Variants in PKP4 observed in about 807,000 individuals in gnomAD.
PKP4 encodes the protein plakophilin-4.
A neutral mutation model predicts 145.1 loss-of-function variants in PKP4; 90 were observed. The observed-to-expected ratio is 0.62, with a 90% CI of 0.52 to 0.74. The LOEUF (loss-of-function observed/expected upper bound fraction) is 0.74, where lower values mean the gene tolerates loss of function less well. PKP4 is among the 30% of genes least tolerant of loss of function. PKP4 has a pLI of 0.00. For missense variants in PKP4, 1,340 were observed against 1,482.7 expected (o/e 0.90, Z 1.58); for synonymous variants, 563 against 577.2 (o/e 0.98, Z 0.35).
intron 11 of PKP4, among the ~76,000 whole-genome samples, chr2:158,655,501 A>C (rs1304682418): frequency 6.6e-6 from 1 of 152,162 alleles, no homozygotes. Flanking sequence ...CTTCTTAGTC[A>C]TGTTTTCACC....
chr2:158,520,903 T>C (rs1445710015), intron 1 of PKP4, among the ~76,000 whole-genome samples: 2 of 152,258 alleles, frequency 1.3e-5, no homozygotes, highest in African/African-American at 2.4e-5. Context: ...ATCCTTGTTT[T>C]ATAGAGCTTT....
intron 1 of PKP4, among the ~76,000 whole-genome samples, chr2:158,475,093 T>C (rs1692243013): frequency 6.6e-6 from 1 of 152,158 alleles, no homozygotes; most frequent in Admixed American, 6.5e-5. Flanking sequence ...AATCATGAAT[T>C]AGCGATTGTG....
chr2:158,553,829 T>C (rs779122883), intron 2 of PKP4, among the ~76,000 whole-genome samples: 5 of 152,166 alleles, frequency 3.3e-5, no homozygotes, highest in Non-Finnish European at 5.9e-5. Flanking sequence ...AGAATTTTGC[T>C]CCAGGATGTA....
chr2:158,521,880 G>T (rs2042407742), intron 1 of PKP4, among the ~76,000 whole-genome samples: 1 of 152,042 alleles, frequency 6.6e-6, no homozygotes, highest in Non-Finnish European at 1.5e-5. Flanking sequence ...TTCATCTAAT[G>T]CTTATTTTCT....
rs1226033349 is a variant in PKP4, at chr2:158,577,394, A to G, written c.245+11A>G. On this transcript the variant is annotated intron_variant, in intron 3 of 21. Transcript: ENST00000389759. Reference sequence around the variant, plus strand: ...CATCGCCAGCACCAGGTACAGGGCCAATGGCTCCATCTTTATGCACACTCA... The same window carrying G: ...CATCGCCAGCACCAGGTACAGGGCCGATGGCTCCATCTTTATGCACACTCA... 6 of 1,544,884 alleles carry G rather than the reference A, an allele frequency of 3.9e-6. No individual in the cohort carries two copies. The highest frequency in any genetic ancestry group is 4.5e-5 in the East Asian group (2 of 44,394).
At position 158,516,345 on chromosome 2, in the gene PKP4, T is replaced by A. The variant is rs566666489; in HGVS notation, c.-5-16835T>A. 3.3e-5 allele frequency among the ~76,000 whole-genome samples: 5 copies of A among 152,314 alleles called. No homozygotes were observed. In the South Asian group the frequency reaches 8.3e-4, roughly 25 times the overall value. On this transcript the variant is annotated intron_variant, in intron 1 of 21. Coordinates refer to ENST00000389759, the MANE Select transcript of PKP4 (RefSeq NM_003628.6). ...AGTAACAAGATTCTTAGGGATTTTT[T>A]AAGAGGAACCATGTTCTGCCACATT... is the stretch of plus-strand genomic sequence containing the variant.
chr2:158,459,440 T>C (rs1197208794), intron 1 of PKP4, among the ~76,000 whole-genome samples: 1 of 123,624 alleles, frequency 8.1e-6, no homozygotes, highest in African/African-American at 3.1e-5. Context: ...AACTATTAAA[T>C]AGGAGCCTTT....
intron 2 of PKP4, among the ~76,000 whole-genome samples, chr2:158,561,836 C>T (rs1217036471): frequency 6.7e-6 from 1 of 150,034 alleles, no homozygotes. Flanking sequence ...ATGTGCACAA[C>T]ATGCTGGTTT....
At chr2:158,517,828 A>G (rs1034738540) in intron 1 of PKP4, among the ~76,000 whole-genome samples, 2 of 151,868 alleles carry the variant, frequency 1.3e-5, no homozygotes, top group African/African-American at 4.8e-5. Context: ...TGAGCTGAGG[A>G]TTGCCTGAGC....
intron 1 of PKP4, among the ~76,000 whole-genome samples, chr2:158,503,968 T>G (rs1318294228): frequency 5.6e-5 from 1 of 17,880 alleles, no homozygotes; most frequent in African/African-American, 2.6e-4. Context: ...ATTCTGGCTT[T>G]TTTTTTTTTT....
intron 2 of PKP4, among the ~76,000 whole-genome samples, chr2:158,552,480 C>G (rs1314433717): frequency 6.6e-6 from 1 of 152,124 alleles, no homozygotes; most frequent in Non-Finnish European, 1.5e-5. Flanking sequence ...TGGGTAGAGT[C>G]TGGAATAATT....
At chr2:158,595,928 C>A (rs1057370404) in intron 3 of PKP4, among the ~76,000 whole-genome samples, 3 of 151,980 alleles carry the variant, frequency 2.0e-5, no homozygotes, top group Non-Finnish European at 2.9e-5. Context: ...TGGAATAATT[C>A]TTTAAAAAGC....
intron 1 of PKP4, among the ~76,000 whole-genome samples, chr2:158,484,420 A>T (rs552852475): frequency 3.7e-4 from 56 of 152,308 alleles, no homozygotes; most frequent in African/African-American, 1.2e-3. Flanking sequence ...GAACTGAAGC[A>T]TTGAGGCTCT....
At chr2:158,647,908 GA>G in intron 11 of PKP4, among the ~76,000 whole-genome samples, 1 of 152,150 alleles carries the variant, frequency 6.6e-6, no homozygotes. Context: ...CACTAAAAAA[GA>G]TATGTTGAAC....
chr2:158,484,032 C>CTTTT (rs11289096), intron 1 of PKP4, among the ~76,000 whole-genome samples: 12 of 95,888 alleles, frequency 1.3e-4, no homozygotes, highest in South Asian at 3.8e-4. Flanking sequence ...TTTTCTTTTT[C>CTTTT]TTTTTTTTTT....
At chr2:158,658,012 T>C (rs574652700) in intron 11 of PKP4, 119 bp from the exon 12 acceptor site, 4 of 656,626 alleles carry the variant, frequency 6.1e-6, no homozygotes, top group African/African-American at 1.8e-5. Context: ...GTTGCAAATA[T>C]AGGCCATAGA....
chr2:158,585,890 C>CAA (rs370996666), intron 3 of PKP4, among the ~76,000 whole-genome samples: 27,179 of 132,992 alleles, frequency 0.2, 3,485 homozygotes, highest in Middle Eastern at 0.36. Context: ...TTTATCATTC[C>CAA]AAAAAAAAAA....
At chr2:158,464,323 T>C (rs1001237507) in intron 1 of PKP4, among the ~76,000 whole-genome samples, 1 of 152,338 alleles carries the variant, frequency 6.6e-6, no homozygotes, top group South Asian at 2.1e-4. Context: ...AATTTTTACA[T>C]ATAGACAATC....
At chr2:158,640,518 C>T in intron 9 of PKP4, 109 bp from the exon 10 acceptor site, 1 of 1,179,996 alleles carries the variant, frequency 8.5e-7, no homozygotes, top group Non-Finnish European at 1.2e-6. Context: ...ATTTTTGTAA[C>T]TTCCCATTTT....
Sources: gnomAD v4.1 joint callset for allele counts (sites outside exome capture counted in the v4.1 genomes callset) on GRCh38, gnomAD v4.1.1 for gene constraint, MANE v1.5 for transcripts, NCBI Gene and HGNC (gene_info 2026-07-23, HGNC 2026-07-21) for gene names.